PRKN: variants seen among roughly 807,000 people sequenced by gnomAD.
PRKN encodes the protein parkin RBR E3 ubiquitin protein ligase.
Under a neutral mutation model 59.5 loss-of-function variants are expected in PRKN, and 56 were observed. The ratio of observed to expected loss-of-function variants is 0.94; its 90% CI spans 0.76 to 1.18. The LOEUF (loss-of-function observed/expected upper bound fraction) is 1.18, where lower values mean the gene tolerates loss of function less well. Among genes scored for constraint, PRKN ranks in the 50% most tolerant of loss-of-function variants. The probability of loss-of-function intolerance (pLI) is 0.00; values close to 1 mark genes in which losing one functional copy is unlikely to be tolerated. For missense variants in PRKN, 657 were observed against 596.4 expected (o/e 1.10, Z -1.06); for synonymous variants, 250 against 222.1 (o/e 1.13, Z -1.12).
Position 162,237,282 on chromosome 6 carries a change from T to C in PRKN, c.412+25243A>G, listed in dbSNP as rs543308290. On this transcript the variant is annotated intron_variant, in intron 3 of 11. Coordinates refer to ENST00000366898, the MANE Select transcript of PRKN (RefSeq NM_004562.3). Reference sequence around the variant, plus strand: ...AGAATTTTAAATCATGAAAGAAATTTATGCAAACAATAGGGCAAGACCTAG... The same window carrying C: ...AGAATTTTAAATCATGAAAGAAATTCATGCAAACAATAGGGCAAGACCTAG... 6.1e-4 allele frequency among the ~76,000 whole-genome samples: 93 copies of C among 152,260 alleles called. 1 individual carries two copies. The Middle Eastern group carries it at 0.01, about 17-fold the overall frequency.
At chr6:162,282,563 T>A (rs1780956955) in intron 2 of PRKN, among the ~76,000 whole-genome samples, 1 of 152,224 alleles carries the variant, frequency 6.6e-6, no homozygotes, top group African/African-American at 2.4e-5. Flanking sequence ...TACATGGATG[T>A]CCTTTGCAAC....
At chr6:162,168,191 G>A (rs758375140) in intron 4 of PRKN, among the ~76,000 whole-genome samples, 6 of 152,000 alleles carry the variant, frequency 3.9e-5, no homozygotes, top group Non-Finnish European at 5.9e-5. Flanking sequence ...CTTGTAAGAC[G>A]AATTTCTTTC....
intron 6 of PRKN, among the ~76,000 whole-genome samples, chr6:161,942,173 G>A (rs1347953345): frequency 6.6e-6 from 1 of 152,090 alleles, no homozygotes; most frequent in Non-Finnish European, 1.5e-5. Flanking sequence ...AACCACAGGG[G>A]CCTCTGGGGA....
At chr6:162,714,058 G>T (rs773851275) in intron 1 of PRKN, among the ~76,000 whole-genome samples, 1 of 152,074 alleles carries the variant, frequency 6.6e-6, no homozygotes, top group Non-Finnish European at 1.5e-5. Flanking sequence ...TCATTTCTCC[G>T]CCCTGCTGTG....
chr6:162,408,445 A>G (rs955060983), intron 2 of PRKN, among the ~76,000 whole-genome samples: 28 of 152,166 alleles, frequency 1.8e-4, no homozygotes, highest in African/African-American at 6.8e-4. Flanking sequence ...TTTTGAGAGG[A>G]ATTATTACAA....
intron 1 of PRKN, among the ~76,000 whole-genome samples, chr6:162,634,580 AC>A (rs773328305): frequency 6.6e-5 from 10 of 152,162 alleles, no homozygotes; most frequent in Non-Finnish European, 1.2e-4. Flanking sequence ...ATCACCAGCC[AC>A]TAGTGCAATG....
chr6:161,364,930 C>CA (rs67693234), intron 10 of PRKN, among the ~76,000 whole-genome samples: 2,292 of 120,910 alleles, frequency 0.019, 21 homozygotes, highest in East Asian at 0.077. Flanking sequence ...GACTTTGTCT[C>CA]AAAAAAAAAA....
rs751994053 is a variant in PRKN, at chr6:161,548,743, T to G, written c.1083+111A>C. On this transcript the variant is annotated intron_variant, in intron 9 of 11. Transcript: ENST00000366898. This position sits in a 1 kb window ranked among gnomAD's most constrained non-coding sequence, Gnocchi z 4.2. ...ATTTTCTTATATGTAAGTTCAAAGA[T>G]GTCTAAGTCCAAAGGGAAAATGAAA... 4.0e-6 allele frequency: 4 copies of G among 990,640 alleles called. No individual in the cohort carries two copies. Among genetic ancestry groups the G allele is most frequent in the Non-Finnish European group, 6.2e-6 (4 of 647,270 alleles). The allele number at this position is 990,640 out of a possible 1,614,324, so 61.4% of individuals were successfully genotyped here.
chr6:161,565,298 C>T (rs1780599277), intron 8 of PRKN, among the ~76,000 whole-genome samples: 1 of 152,138 alleles, frequency 6.6e-6, no homozygotes, highest in African/African-American at 2.4e-5. Context: ...GGATTGACCT[C>T]ACTCCAAATT....
intron 1 of PRKN, among the ~76,000 whole-genome samples, chr6:162,574,308 G>T (rs1056729026): frequency 1.3e-5 from 2 of 152,156 alleles, no homozygotes; most frequent in Non-Finnish European, 2.9e-5. Context: ...CTATTTTAAG[G>T]CTAAAGGAAA....
intron 2 of PRKN, among the ~76,000 whole-genome samples, chr6:162,389,025 C>CAAA (rs59423044): frequency 4.4e-5 from 5 of 114,478 alleles, no homozygotes; most frequent in East Asian, 4.9e-4. Flanking sequence ...AAAAAAAAAA[C>CAAA]AAAAAAACCT....
chr6:162,322,091 T>G (rs1783047473), intron 2 of PRKN, among the ~76,000 whole-genome samples: 1 of 115,924 alleles, frequency 8.6e-6, no homozygotes, highest in African/African-American at 2.9e-5. Flanking sequence ...TAGAAATTTC[T>G]ATAGAATCTA....
intron 7 of PRKN, among the ~76,000 whole-genome samples, chr6:161,671,042 G>T (rs1327065797): frequency 1.3e-5 from 2 of 152,022 alleles, no homozygotes; most frequent in Non-Finnish European, 2.9e-5. Flanking sequence ...CTTCATGTTT[G>T]TTTTTTTCCC....
At chr6:161,375,206 G>C (rs1409684999) in intron 10 of PRKN, among the ~76,000 whole-genome samples, 1 of 152,204 alleles carries the variant, frequency 6.6e-6, no homozygotes, top group African/African-American at 2.4e-5. Context: ...TCCTGCAGAG[G>C]GAGGACGCCC....
At chr6:162,499,679 C>A (rs1178513853) in intron 1 of PRKN, among the ~76,000 whole-genome samples, 1 of 152,138 alleles carries the variant, frequency 6.6e-6, no homozygotes, top group Non-Finnish European at 1.5e-5. Context: ...AGGTGGTTGT[C>A]CAAAGCATTC....
At chr6:162,387,723 C>T (rs1007105679) in intron 2 of PRKN, among the ~76,000 whole-genome samples, 3 of 152,148 alleles carry the variant, frequency 2.0e-5, no homozygotes, top group African/African-American at 7.2e-5. Context: ...TCATGAAAGC[C>T]ACACAAGTGT....
chr6:162,064,867 T>C (rs58526316), intron 4 of PRKN, among the ~76,000 whole-genome samples: 9,658 of 152,304 alleles, frequency 0.063, 398 homozygotes, highest in African/African-American at 0.11. Context: ...AGAATTCTCA[T>C]TAATGGCCTC....
chr6:161,404,193 C>A (rs772575188), intron 9 of PRKN, among the ~76,000 whole-genome samples: 15 of 152,188 alleles, frequency 9.9e-5, no homozygotes, highest in Non-Finnish European at 2.1e-4. Context: ...ATCATCCCTA[C>A]TAGACTCAAG....
intron 1 of PRKN, among the ~76,000 whole-genome samples, chr6:162,500,320 C>T (rs1047107756): frequency 2.0e-5 from 3 of 151,970 alleles, no homozygotes; most frequent in South Asian, 4.2e-4. Flanking sequence ...CACAGGCGCC[C>T]GCCACCACGC....
Sources: gnomAD v4.1 joint callset for allele counts (sites outside exome capture counted in the v4.1 genomes callset) on GRCh38, gnomAD v4.1.1 for gene constraint, Gnocchi (gnomAD v3.1) non-coding constraint, MANE v1.5 for transcripts, NCBI Gene and HGNC (gene_info 2026-07-23, HGNC 2026-07-21) for gene names.